Variants in LRATD1 observed in about 807,000 individuals in gnomAD.
LRATD1 encodes LRAT domain containing 1.
In LRATD1, 8 loss-of-function variants were observed where a neutral mutation model predicts 21.3. The ratio of observed to expected loss-of-function variants is 0.38; its 90% CI spans 0.22 to 0.68. The LOEUF is 0.68. LRATD1 is among the 30% of genes least tolerant of loss of function. The probability of loss-of-function intolerance (pLI) is 0.54; values close to 1 mark genes in which losing one functional copy is unlikely to be tolerated. For missense variants in LRATD1, 380 were observed against 404.0 expected (o/e 0.94, Z 0.51); for synonymous variants, 210 against 186.2 (o/e 1.13, Z -1.04).
chr2:14,641,145 T>C (rs1451882559), downstream of LRATD1, among the ~76,000 whole-genome samples: 2 of 152,122 alleles, frequency 1.3e-5, no homozygotes, highest in African/African-American at 2.4e-5. Flanking sequence ...TAAGAAGCAA[T>C]AGAGCCCCCT....
chr2:14,635,805 G>C lies in LRATD1; in HGVS notation c.*947G>C. The C allele has an allele frequency of 2.7e-6, 1 of 375,220 alleles. No homozygotes were observed. Among genetic ancestry groups the C allele is most frequent in the Non-Finnish European group, 5.5e-6 (1 of 182,434 alleles). The allele number at this position is 375,220 out of a possible 1,614,324, so 23.2% of individuals were successfully genotyped here. On this transcript the variant is annotated 3_prime_UTR_variant, in exon 2 of 2. Transcript: ENST00000295092. ...ATATTTTTAAAGGAGTTGGAGGAGA[G>C]GGAGGGGGAGGACATGGCACCATTC...
At chr2:14,647,061 C>CT (rs1302244471) in intron 4 of LRATD1, among the ~76,000 whole-genome samples, 1 of 152,184 alleles carries the variant, frequency 6.6e-6, no homozygotes, top group Non-Finnish European at 1.5e-5. Flanking sequence ...TGCCCTGAGC[C>CT]TCTATCCCTC....
At chr2:14,647,086 A>C (rs1671909007) in intron 4 of LRATD1, among the ~76,000 whole-genome samples, 1 of 152,212 alleles carries the variant, frequency 6.6e-6, no homozygotes, top group Admixed American at 6.5e-5. Flanking sequence ...TTTTAACAGG[A>C]GACTATGAAC....
At position 14,635,581 on chromosome 2, in the gene LRATD1, G is replaced by A. The variant is rs1421700602; in HGVS notation, c.*723G>A. 1 of 470,986 alleles carries A rather than the reference G, an allele frequency of 2.1e-6. No individual in the cohort carries two copies. The highest frequency in any genetic ancestry group is 4.4e-6 in the Non-Finnish European group (1 of 227,064). The allele number at this position is 470,986 out of a possible 1,614,324, so 29.2% of individuals were successfully genotyped here. A position where few individuals can be genotyped will look rare whatever the true frequency, so the allele number is the denominator to read the frequency against. On this transcript the variant is annotated 3_prime_UTR_variant, in exon 2 of 2. Coordinates refer to ENST00000295092, the MANE Select transcript of LRATD1 (RefSeq NM_145175.4). The stretch of plus-strand genomic sequence containing the variant: ...CACCCCCACCCGCCTTTGCCTGCGA[G>A]TCTCCCTCGCTGGCAGAAGGGAAGC...
At chr2:14,649,414 G>A (rs1671963323) in exon 5 of LRATD1, 1 of 455,332 alleles carries the variant, frequency 2.2e-6, no homozygotes, top group Non-Finnish European at 4.4e-6. Context: ...CTGGGTGAAT[G>A]TACTCTTTTC....
rs1395393844 is a variant in LRATD1 at position 14,634,284 on chromosome 2, G to A, written c.305G>A (p.Gly102Asp). The A allele has an allele frequency of 3.7e-6, 6 of 1,603,932 alleles. No homozygotes were observed. Among genetic ancestry groups the A allele is most frequent in the Non-Finnish European group, 5.1e-6 (6 of 1,178,974 alleles). Residue 102 changes from glycine to aspartate, a missense_variant, in exon 2 of 2, where the codon GGC (glycine) becomes GAC (aspartate). Physicochemically the swap from Gly to Asp is moderately conservative, Grantham distance 94 (BLOSUM62 -1). Transcript: ENST00000295092. Reference sequence around the variant, plus strand: ...TGCATCTTTTCCAAAGTGAGCGGTGGCCCTCAGGGCGCCGACCTAAGCGTC... The same window carrying A: ...TGCATCTTTTCCAAAGTGAGCGGTGACCCTCAGGGCGCCGACCTAAGCGTC... ...QECIFSKVSG[G>D]PQGADLSVYA...
At chr2:14,644,882 A>G (rs912433576), downstream of LRATD1, among the ~76,000 whole-genome samples, 2 of 152,236 alleles carry the variant, frequency 1.3e-5, no homozygotes, top group Non-Finnish European at 2.9e-5. Flanking sequence ...TGCAGTGTGC[A>G]GAATGTTGCA....
chr2:14,634,374 AGCCCGCGCCGGAGCC>A lies in LRATD1; in HGVS notation c.405_419del (p.Glu136_Pro140del), dbSNP rs1230715377. The A allele has an allele frequency of 6.4e-7, 1 of 1,561,280 alleles. No homozygotes were observed. Among genetic ancestry groups the A allele is most frequent in the Non-Finnish European group, 8.7e-7 (1 of 1,155,396 alleles). On this transcript the variant is annotated inframe_deletion, in exon 2 of 2. Coordinates refer to ENST00000295092, the MANE Select transcript of LRATD1 (RefSeq NM_145175.4). ...GACCTGCTGGAGCTGCTGTGGCTGC[AGCCCGCGCCGGAGCC>A]GCCCGCGCCCGCCCCGCACTGGGCC...
intron 4 of LRATD1, among the ~76,000 whole-genome samples, chr2:14,648,861 G>A (rs1317181810): frequency 6.6e-6 from 1 of 152,134 alleles, no homozygotes; most frequent in African/African-American, 2.4e-5. Context: ...TAACTGGCAT[G>A]AAGTAATACA....
At position 14,634,586 on chromosome 2, in the gene LRATD1, A is replaced by C; in HGVS notation, c.607A>C (p.Lys203Gln). ...VQNACGHLGL[K>Q]SEEICWTNSE... ...GAACGCCTGCGGCCACCTGGGCCTC[A>C]AGAGCGAGGAGATCTGCTGGACGAA... Residue 203 changes from lysine to glutamine, a missense_variant, in exon 2 of 2, where the codon AAG (lysine) becomes CAG (glutamine). Transcript: ENST00000295092. The C allele has an allele frequency of 6.7e-7, 1 of 1,498,992 alleles. No individual in the cohort carries two copies. Among genetic ancestry groups the C allele is most frequent in the East Asian group, 2.4e-5 (1 of 41,998 alleles). 92.9% of individuals were successfully genotyped at this position (1,498,992 alleles called of 1,614,324 possible).
At chr2:14,648,700 C>T (rs1671937780) in intron 4 of LRATD1, among the ~76,000 whole-genome samples, 1 of 152,140 alleles carries the variant, frequency 6.6e-6, no homozygotes, top group Admixed American at 6.5e-5. Context: ...GTAAAAGAGT[C>T]TCCGGGATCC....
Position 14,637,993 on chromosome 2 carries a change from C to A in LRATD1, c.*3135C>A, listed in dbSNP as rs541850874. 1 of 166,792 alleles carries A rather than the reference C, an allele frequency of 6.0e-6. No individual in the cohort carries two copies. Among genetic ancestry groups the A allele is most frequent in the African/African-American group, 2.4e-5 (1 of 41,406 alleles). The allele number at this position is 166,792 out of a possible 1,614,324, so 10.3% of individuals were successfully genotyped here. A position where few individuals can be genotyped will look rare whatever the true frequency, so the allele number is the denominator to read the frequency against. On this transcript the variant is annotated 3_prime_UTR_variant, in exon 2 of 2. Transcript: ENST00000295092. ...GGATTGGTTCTGTTCCCCCTGCTCC[C>A]GTGTAGAGAAAAGCTATATTTATAC...
chr2:14,634,306 C>T lies in LRATD1; in HGVS notation c.327C>T (p.Ser109=), dbSNP rs759843874. The change falls in exon 2 of 2, where the codon AGC becomes AGT. Residue 109 remains serine, a synonymous_variant. Transcript: ENST00000295092. ...GTGGCCCTCAGGGCGCCGACCTAAG[C>T]GTCTACGCGGTCACCGCGCTGCCAG... is the stretch of plus-strand genomic sequence containing the variant. ...VSGGPQGADL[S]VYAVTALPAL... 1 of 1,599,858 alleles carries T rather than the reference C, an allele frequency of 6.3e-7. No individual in the cohort carries two copies. The highest frequency in any genetic ancestry group is 8.5e-7 in the Non-Finnish European group (1 of 1,177,472).
downstream of LRATD1, among the ~76,000 whole-genome samples, chr2:14,651,477 A>G (rs1010998944): frequency 2.0e-5 from 3 of 152,140 alleles, no homozygotes; most frequent in Non-Finnish European, 4.4e-5. Flanking sequence ...TGCTTTCCAG[A>G]GTGATTCCTC....
chr2:14,649,675 T>C (rs999308956), downstream of LRATD1: 6 of 246,394 alleles, frequency 2.4e-5, no homozygotes, highest in East Asian at 8.9e-5. Flanking sequence ...TGAGGTGAGA[T>C]AGAATTGCTC....
At chr2:14,641,633 C>T (rs1230838738), downstream of LRATD1, among the ~76,000 whole-genome samples, 2 of 152,160 alleles carry the variant, frequency 1.3e-5, no homozygotes, top group Non-Finnish European at 2.9e-5. Context: ...AGCCTGAGCT[C>T]CTTAGTGGGG....
At position 14,638,858 on chromosome 2, in the gene LRATD1, C is replaced by T. The variant is rs190140115; in HGVS notation, c.*4000C>T. On this transcript the variant is annotated 3_prime_UTR_variant, in exon 2 of 2. Coordinates refer to ENST00000295092, the MANE Select transcript of LRATD1 (RefSeq NM_145175.4). ...AAGGGTCTGTAGGTGAAAAGACAGGCTTTTGGGTTTCTTGAAACATCAAAA... is the reference window on the plus strand; with the variant it reads ...AAGGGTCTGTAGGTGAAAAGACAGGTTTTTGGGTTTCTTGAAACATCAAAA... The T allele has an allele frequency of 6.0e-6, 1 of 167,064 alleles. No homozygotes were observed. Among genetic ancestry groups the T allele is most frequent in the African/African-American group, 2.4e-5 (1 of 41,548 alleles). The allele number at this position is 167,064 out of a possible 1,614,324, so 10.3% of individuals were successfully genotyped here. A position where few individuals can be genotyped will look rare whatever the true frequency, so the allele number is the denominator to read the frequency against.
chr2:14,638,907 TA>T lies in LRATD1; in HGVS notation c.*4051del, dbSNP rs1311254969. 1 of 166,992 alleles carries T rather than the reference TA, an allele frequency of 6.0e-6. No individual in the cohort carries two copies. The highest frequency in any genetic ancestry group is 2.4e-5 in the African/African-American group (1 of 41,414). 10.3% of individuals were successfully genotyped at this position (166,992 alleles called of 1,614,324 possible). A position where few individuals can be genotyped will look rare whatever the true frequency, so the allele number is the denominator to read the frequency against. On this transcript the variant is annotated 3_prime_UTR_variant, in exon 2 of 2. Transcript: ENST00000295092. ...AAACTGAATTTAGAGAATGGTTATC[TA>T]ACACTCAAGTCAATGTTTTTTTTGA...
Position 14,634,315 on chromosome 2 carries a change from G to T in LRATD1, c.336G>T (p.Ala112=). 1.3e-6 allele frequency: 2 copies of T among 1,596,650 alleles called. No individual in the cohort carries two copies. Among genetic ancestry groups the T allele is most frequent in the Non-Finnish European group, 1.7e-6 (2 of 1,175,846 alleles). The change falls in exon 2 of 2, where the codon GCG becomes GCT. Residue 112 remains alanine (A), a synonymous_variant. Coordinates refer to ENST00000295092, the MANE Select transcript of LRATD1 (RefSeq NM_145175.4). Reference sequence around the variant, plus strand: ...AGGGCGCCGACCTAAGCGTCTACGCGGTCACCGCGCTGCCAGCGCTCTGCG... The same window carrying T: ...AGGGCGCCGACCTAAGCGTCTACGCTGTCACCGCGCTGCCAGCGCTCTGCG... ...GPQGADLSVY[A]VTALPALCEP...
Sources: allele counts gnomAD v4.1 joint callset (sites outside exome capture counted in the v4.1 genomes callset), GRCh38; gene constraint gnomAD v4.1.1; transcripts MANE v1.5; gene names NCBI Gene and HGNC (gene_info 2026-07-23, HGNC 2026-07-21).